The following PLCH2 variants were observed in gnomAD, a reference collection of about 807,000 sequenced individuals.
The protein encoded by PLCH2 is phospholipase C eta 2, also known as 1-phosphatidylinositol 4,5-bisphosphate phosphodiesterase eta-2.
PLCH2 carries 98 observed loss-of-function variants against 134.7 expected under a neutral mutation model. The observed-to-expected ratio is 0.73, with a 90% CI of 0.62 to 0.86. PLCH2 has a LOEUF of 0.86. Among genes scored for constraint, PLCH2 ranks in the 40% least tolerant of loss-of-function variants. PLCH2 has a pLI of 0.00. For synonymous variants in PLCH2, 974 were observed against 827.5 expected, an observed-to-expected ratio of 1.18 and a Z score of -3.04; for missense variants, 1,994 against 1,986.6, an observed-to-expected ratio of 1.00 and a Z score of -0.07.
intron 4 of PLCH2, among the ~76,000 whole-genome samples, chr1:2,481,122 A>G (rs1363812495): frequency 6.6e-6 from 1 of 152,250 alleles, no homozygotes; most frequent in Non-Finnish European, 1.5e-5. Context: ...ACATGCTCAC[A>G]GCCTGACAGC....
upstream of PLCH2, among the ~76,000 whole-genome samples, chr1:2,422,204 A>G (rs915102065): frequency 3.5e-4 from 54 of 152,148 alleles, 1 homozygote; most frequent in African/African-American, 1.2e-3. Flanking sequence ...AGGAGGTGGA[A>G]GTTGCAGTGA....
In PLCH2 at chr1:2,505,037, C is replaced by A; in HGVS notation, c.4075C>A (p.Arg1359=). ...IASRARQAQE[R]QQRLQGLGRQ... is the part of the protein sequence containing the mutation. ...CAGCCGGGCCCGCCAGGCCCAGGAG[C>A]GGCAGCAGAGACTGCAGGGCCTGGG... is the stretch of plus-strand genomic sequence containing the variant. The change falls in exon 22 of 22, where the codon CGG becomes AGG. Residue 1359 remains arginine, a synonymous_variant. Transcript: ENST00000378486. 4 of 1,543,736 alleles carry A rather than the reference C, an allele frequency of 2.6e-6. No individual in the cohort carries two copies. Among genetic ancestry groups the A allele is most frequent in the East Asian group, 2.4e-5 (1 of 41,360 alleles).
At chr1:2,460,324 G>A (rs1348732678) in intron 2 of PLCH2, among the ~76,000 whole-genome samples, 1 of 152,254 alleles carries the variant, frequency 6.6e-6, no homozygotes, top group African/African-American at 2.4e-5. Context: ...CTGGGTGCGG[G>A]GCCTACCTCT....
intron 2 of PLCH2, among the ~76,000 whole-genome samples, chr1:2,441,879 G>A (rs537935926): frequency 1.7e-4 from 26 of 152,290 alleles, no homozygotes; most frequent in Non-Finnish European, 3.4e-4. Context: ...GGCTCTGTCA[G>A]CCCCTCAGGG....
In PLCH2 at chr1:2,484,428, C is replaced by T. The variant is rs768155141; in HGVS notation, c.646-20C>T. ...GCCCTGGTCGAGGTGCCAATGGGGACCCAAGGCCTTGCATTGCAGGAAGCG... is the reference window on the plus strand; with the variant it reads ...GCCCTGGTCGAGGTGCCAATGGGGATCCAAGGCCTTGCATTGCAGGAAGCG... On this transcript the variant is annotated intron_variant, in intron 4 of 21. Transcript: ENST00000378486. 46 of 1,612,190 alleles carry T rather than the reference C, an allele frequency of 2.9e-5. No homozygotes were observed. The highest frequency in any genetic ancestry group is 4.0e-5 in the African/African-American group (3 of 74,838).
intron 2 of PLCH2, among the ~76,000 whole-genome samples, chr1:2,451,537 C>T (rs987039017): frequency 1.3e-5 from 2 of 152,180 alleles, no homozygotes; most frequent in Non-Finnish European, 2.9e-5. Context: ...CAAGGGCCAC[C>T]GTGAGGCCAG....
Position 2,478,561 on chromosome 1 carries a change from C to G in PLCH2, c.210C>G (p.Tyr70Ter). 1 of 1,612,696 alleles carries G rather than the reference C, an allele frequency of 6.2e-7. No homozygotes were observed. Among genetic ancestry groups the G allele is most frequent in the African/African-American group, 1.3e-5 (1 of 75,054 alleles). ...CCAAGGGCCTGGTCCGCTTCTACTA[C>G]CTGGACGAGCACCGCTCCTGCATCC... Reference protein sequence around the residue: ...GGSKGLVRFYYLDEHRSCIRW... With the variant: ...GGSKGLVRFY The change falls in exon 2 of 22, where the codon TAC becomes TAG. Residue 70 changes from tyrosine to a stop codon, truncating the protein, a stop_gained. Coordinates refer to ENST00000378486, the MANE Select transcript of PLCH2 (RefSeq NM_014638.4). LOFTEE classifies it high-confidence loss of function.
rs1642442622 is a variant in PLCH2, at chr1:2,489,385, G to A, written c.1407+7G>A. The A allele has an allele frequency of 1.2e-6, 2 of 1,613,140 alleles. No homozygotes were observed. The highest frequency in any genetic ancestry group is 2.2e-5 in the East Asian group (1 of 44,906). ...GGGCAAGATCCTCGTGAAGGTGAGT[G>A]AGCCCCTGCCCTCCTGGGACCAGCT... On this transcript the variant is annotated splice_region_variant and intron_variant, in intron 9 of 21. Transcript: ENST00000378486.
intron 1 of PLCH2, among the ~76,000 whole-genome samples, chr1:2,428,303 C>T (rs1419882014): frequency 2.0e-5 from 3 of 152,236 alleles, no homozygotes; most frequent in Non-Finnish European, 2.9e-5. Context: ...CAGCAGGCCT[C>T]GCTGGGGATG....
chr1:2,420,954 CTT>C, the PLCH2 span, among the ~76,000 whole-genome samples: 20 of 139,452 alleles, frequency 1.4e-4, no homozygotes, highest in Admixed American at 2.1e-4. Context: ...TCCCTTCACA[CTT>C]TTTTTTTTTT....
At chr1:2,419,182 G>A in the PLCH2 span, among the ~76,000 whole-genome samples, 1 of 152,158 alleles carries the variant, frequency 6.6e-6, no homozygotes, top group Non-Finnish European at 1.5e-5. Flanking sequence ...TCCCACCTGC[G>A]GTCATCTGTC....
chr1:2,452,578 T>G (rs12078607), intron 2 of PLCH2, among the ~76,000 whole-genome samples: 28,292 of 152,112 alleles, frequency 0.19, 3,077 homozygotes, highest in East Asian at 0.3. Context: ...TTGCAGGCAT[T>G]CGGGGAGCAA....
chr1:2,419,791 C>T, the PLCH2 span, among the ~76,000 whole-genome samples: 1 of 152,226 alleles, frequency 6.6e-6, no homozygotes, highest in South Asian at 2.1e-4. Context: ...CTGTGGGCTC[C>T]ACCATATTCA....
In PLCH2 at chr1:2,496,999, G is replaced by A. The variant is rs369147275; in HGVS notation, c.2105G>A (p.Gly702Asp). 1.2e-6 allele frequency: 2 copies of A among 1,612,798 alleles called. No individual in the cohort carries two copies. ...NYNPQPFWNA[G>D]CQMVALNYQS... is the part of the protein sequence containing the mutation. ...AACCCGCAGCCCTTCTGGAACGCCG[G>A]CTGCCAAATGGGTGGGTGCGGGCAT... Residue 702 changes from glycine (G) to aspartate (D), a missense_variant, in exon 15 of 22, where the codon GGC (glycine) becomes GAC (aspartate). Physicochemically the swap from Gly to Asp is moderately conservative, Grantham distance 94. Transcript: ENST00000378486.
intron 2 of PLCH2, among the ~76,000 whole-genome samples, chr1:2,458,126 C>T (rs1032101624): frequency 1.4e-4 from 22 of 152,122 alleles, no homozygotes; most frequent in African/African-American, 9.7e-5. Flanking sequence ...GGCCTGTCCT[C>T]GGGAGCTCTG....
At chr1:2,461,158 C>T (rs552584012) in intron 2 of PLCH2, among the ~76,000 whole-genome samples, 43 of 152,320 alleles carry the variant, frequency 2.8e-4, no homozygotes, top group Admixed American at 2.6e-3. Flanking sequence ...CACTGGACTC[C>T]GTGCCAGGCT....
In PLCH2 at chr1:2,487,650, T is replaced by A; in HGVS notation, c.1167T>A (p.Thr389=). 1 of 1,613,440 alleles carries A rather than the reference T, an allele frequency of 6.2e-7. No homozygotes were observed. Among genetic ancestry groups the A allele is most frequent in the Non-Finnish European group, 8.5e-7 (1 of 1,179,792 alleles). ...DGEPIVHHGY[T]LTSKILFKDV... is the part of the protein sequence containing the mutation. ...AGCCCATTGTGCACCATGGCTACAC[T>A]CTGACTTCCAAGATCCTCTTCAAAG... Residue 389 remains threonine (T), a synonymous_variant, in exon 8 of 22, where the codon ACT becomes ACA. Coordinates refer to ENST00000378486, the MANE Select transcript of PLCH2 (RefSeq NM_014638.4).
intron 2 of PLCH2, among the ~76,000 whole-genome samples, chr1:2,451,051 G>A (rs982774713): frequency 2.0e-5 from 3 of 151,956 alleles, no homozygotes; most frequent in Non-Finnish European, 4.4e-5. Context: ...CTGCCATAGG[G>A]GCTGTGGCTC....
At chr1:2,472,023 C>T (rs778219830), upstream of PLCH2, among the ~76,000 whole-genome samples, 18 of 152,248 alleles carry the variant, frequency 1.2e-4, no homozygotes, top group East Asian at 1.9e-4. Flanking sequence ...CCACAGGCCC[C>T]GGGCACTTGC....
Sources: allele counts gnomAD v4.1 joint callset (sites outside exome capture counted in the v4.1 genomes callset), GRCh38; gene constraint gnomAD v4.1.1; transcripts MANE v1.5; gene names NCBI Gene and HGNC (gene_info 2026-07-23, HGNC 2026-07-21).